Variants in PDGFRA observed in about 807,000 individuals in gnomAD.
The protein encoded by PDGFRA is platelet derived growth factor receptor alpha.
A neutral mutation model predicts 121.5 loss-of-function variants in PDGFRA; 25 were observed. The ratio of observed to expected loss-of-function variants is 0.21; its 90% confidence interval spans 0.15 to 0.29. PDGFRA has a LOEUF of 0.29. Ranked by LOEUF, PDGFRA falls within the 10% of genes least tolerant of loss-of-function variation. PDGFRA has a pLI of 1.00. For missense variants in PDGFRA, 1,008 were observed against 1,345.1 expected (o/e 0.75, Z 3.92); for synonymous variants, 463 against 494.8 (o/e 0.94, Z 0.85).
At chr4:54,261,931 A>ATATAT (rs57094735) in intron 3 of PDGFRA, among the ~76,000 whole-genome samples, 7 of 58,416 alleles carry the variant, frequency 1.2e-4, no homozygotes, top group South Asian at 6.5e-4. Context: ...ATATATATAT[A>ATATAT]TTTTTTTTTT....
At chr4:54,249,826 G>A (rs1175727486) in intron 1 of PDGFRA, among the ~76,000 whole-genome samples, 2 of 151,358 alleles carry the variant, frequency 1.3e-5, no homozygotes, top group Non-Finnish European at 1.5e-5. Context: ...AAAGTTAAAG[G>A]GATATTATTA....
chr4:54,272,619 G>C, intron 9 of PDGFRA, 99 bp downstream of exon 9: 1 of 1,372,406 alleles, frequency 7.3e-7, no homozygotes, highest in Non-Finnish European at 1.0e-6. Context: ...TATAAGATAG[G>C]GTTTTGGGTG....
Position 54,263,647 on chromosome 4 carries a change from C to T in PDGFRA, c.368-20C>T, listed in dbSNP as rs1435950961. The T allele has an allele frequency of 6.2e-7, 1 of 1,611,516 alleles. No homozygotes were observed. The highest frequency in any genetic ancestry group is 1.7e-5 in the Admixed American group (1 of 60,002). ...TGAAATTAATGTCTAATAGAGTCTT[C>T]ATTCTTTTTTAAACCACAGACCCAG... On this transcript the variant is annotated intron_variant, in intron 3 of 22. Transcript: ENST00000257290.
intron 9 of PDGFRA, 55 bp from the exon 10 acceptor site, chr4:54,273,482 T>C (rs1030230902): frequency 1.7e-5 from 24 of 1,424,866 alleles, no homozygotes; most frequent in Non-Finnish European, 2.3e-5. Flanking sequence ...GTGGCTCCAC[T>C]CATTGCCATG....
At chr4:54,272,031 T>C (rs563174042) in intron 8 of PDGFRA, among the ~76,000 whole-genome samples, 148 of 110,178 alleles carry the variant, frequency 1.3e-3, no homozygotes, top group Non-Finnish European at 2.3e-3. Context: ...TCCCTTCCCA[T>C]TTTTCTTCTC....
intron 7 of PDGFRA, 65 bp downstream of exon 7, chr4:54,267,806 T>C (rs2110268055): frequency 2.2e-6 from 3 of 1,380,034 alleles, no homozygotes; most frequent in South Asian, 1.2e-5. Flanking sequence ...CTGAGGTTTG[T>C]GTGTGTCTTA....
At chr4:54,243,287 T>A (rs1349125154) in intron 1 of PDGFRA, among the ~76,000 whole-genome samples, 2 of 152,212 alleles carry the variant, frequency 1.3e-5, no homozygotes, top group Non-Finnish European at 2.9e-5. Context: ...ATCAGGTTTT[T>A]AATCAAAATG....
In PDGFRA at chr4:54,288,818, C is replaced by T. The variant is rs1385734118; in HGVS notation, c.2694C>T (p.Gly898=). 2.5e-6 allele frequency: 4 copies of T among 1,611,994 alleles called. No individual in the cohort carries two copies. Among genetic ancestry groups the T allele is most frequent in the Non-Finnish European group, 3.4e-6 (4 of 1,178,006 alleles). The change falls in exon 20 of 23, where the codon GGC becomes GGT. Residue 898 remains glycine, a synonymous_variant. Transcript: ENST00000257290. ...IFSLGGTPYP[G]MMVDSTFYNK... ...TTTTAGGTGGCACCCCTTACCCCGG[C>T]ATGATGGTGGATTCTACTTTCTACA... is the stretch of plus-strand genomic sequence containing the variant.
At chr4:54,275,077 G>A (rs1488281153) in intron 12 of PDGFRA, 104 bp downstream of exon 12, 6 of 1,229,212 alleles carry the variant, frequency 4.9e-6, no homozygotes, top group Non-Finnish European at 7.1e-6. Context: ...TGCTTAGTAA[G>A]AACTAGGCAA....
chr4:54,261,741 G>A (rs1577706289), intron 3 of PDGFRA, among the ~76,000 whole-genome samples: 1 of 151,574 alleles, frequency 6.6e-6, no homozygotes, highest in African/African-American at 2.4e-5. Flanking sequence ...GCTAAGTGTT[G>A]AGTACACAAA....
chr4:54,245,154 A>G (rs1417839341), intron 1 of PDGFRA, among the ~76,000 whole-genome samples: 1 of 152,270 alleles, frequency 6.6e-6, no homozygotes, highest in African/African-American at 2.4e-5. Flanking sequence ...GCAGGATATT[A>G]TCCAGGAGAA....
intron 8 of PDGFRA, among the ~76,000 whole-genome samples, chr4:54,271,122 C>T (rs1723329042): frequency 6.6e-6 from 1 of 152,142 alleles, no homozygotes; most frequent in South Asian, 2.1e-4. Flanking sequence ...TTACTTAGCA[C>T]CTGCTTCTCA....
Position 54,291,311 on chromosome 4 carries a change from G to A in PDGFRA, c.3122+757G>A, listed in dbSNP as rs535995039. 2.6e-5 allele frequency among the ~76,000 whole-genome samples: 4 copies of A among 152,086 alleles called. No individual in the cohort carries two copies. The South Asian group carries it at 8.3e-4, about 32-fold the overall frequency. ...CCAGTGTGTGTCTCTTAAAGATAAG[G>A]GCTCTATTTTAAAGAAGAACAACAG... On this transcript the variant is annotated intron_variant, in intron 22 of 22. Coordinates refer to ENST00000257290, the MANE Select transcript of PDGFRA (RefSeq NM_006206.6).
rs775656600 is a variant in PDGFRA at position 54,273,628 on chromosome 4, G to A, written c.1456G>A (p.Gly486Ser). 8 of 1,614,028 alleles carry A rather than the reference G, an allele frequency of 5.0e-6. No individual in the cohort carries two copies. The highest frequency in any genetic ancestry group is 6.8e-6 in the Non-Finnish European group (8 of 1,179,958). Residue 486 changes from glycine (G) to serine (S), a missense_variant, in exon 10 of 23, where the codon GGC becomes AGC. Gly to Ser is a moderately conservative substitution (Grantham distance 56). This residue lies in a region of PDGFRA where 575 missense variants were observed against 701.8 expected (regional missense o/e 0.82). Coordinates refer to ENST00000257290, the MANE Select transcript of PDGFRA (RefSeq NM_006206.6). ...CTCCCGAGACAGGAGTACCGTGGAG[G>A]GCCGTGTGACTTTCGCCAAAGTGGA... ...IHSRDRSTVEGRVTFAKVEET... is the reference protein window; with the variant it reads ...IHSRDRSTVESRVTFAKVEET...
intron 7 of PDGFRA, among the ~76,000 whole-genome samples, chr4:54,268,027 G>C (rs1262701932): frequency 6.6e-6 from 1 of 152,166 alleles, no homozygotes; most frequent in Non-Finnish European, 1.5e-5. Context: ...AAGTAAAATT[G>C]GACTCACCAG....
chr4:54,241,086 A>G (rs1721271593), intron 1 of PDGFRA, among the ~76,000 whole-genome samples: 1 of 152,256 alleles, frequency 6.6e-6, no homozygotes, highest in African/African-American at 2.4e-5. Context: ...ACTAAAATTT[A>G]GAGTTACTAA....
intron 2 of PDGFRA, among the ~76,000 whole-genome samples, chr4:54,259,071 T>C: frequency 6.6e-6 from 1 of 152,354 alleles, no homozygotes; most frequent in African/African-American, 2.4e-5. Flanking sequence ...TGAAATGTTG[T>C]TAGTAATAAT....
intron 15 of PDGFRA, chr4:54,278,825 C>T: frequency 1.9e-6 from 1 of 518,806 alleles, no homozygotes; most frequent in Admixed American, 2.3e-5. Flanking sequence ...GCAGCTCTGG[C>T]CAGGGATGCT....
At chr4:54,233,751 G>A (rs530203327) in intron 1 of PDGFRA, among the ~76,000 whole-genome samples, 1 of 152,190 alleles carries the variant, frequency 6.6e-6, no homozygotes, top group Non-Finnish European at 1.5e-5. Flanking sequence ...AGGAGGACGG[G>A]TCCCGTGCGT....
Sources: allele counts gnomAD v4.1 joint callset (sites outside exome capture counted in the v4.1 genomes callset), GRCh38; gene constraint gnomAD v4.1.1; regional missense constraint gnomAD v4.1.1; transcripts MANE v1.5; gene names NCBI Gene and HGNC (gene_info 2026-07-23, HGNC 2026-07-21).